PAMR1: variants seen among roughly 807,000 people sequenced by gnomAD.
PAMR1 encodes inactive serine protease PAMR1.
Under a neutral mutation model 81.8 loss-of-function variants are expected in PAMR1, and 88 were observed. That is an observed-to-expected ratio of 1.08 (90% CI 0.91 to 1.28). PAMR1 has a LOEUF of 1.28. Among genes scored for constraint, PAMR1 ranks in the 50% most tolerant of loss-of-function variants. The pLI, the probability that PAMR1 is intolerant of heterozygous loss-of-function variation, is 0.00. For missense variants in PAMR1, 935 were observed against 919.7 expected (o/e 1.02, Z -0.21); for synonymous variants, 336 against 345.3 (o/e 0.97, Z 0.30).
At chr11:35,501,712 A>T (rs1248499914) in intron 1 of PAMR1, among the ~76,000 whole-genome samples, 1 of 152,172 alleles carries the variant, frequency 6.6e-6, no homozygotes, top group Non-Finnish European at 1.5e-5. Context: ...TGCTTATTTC[A>T]CCTAACATGA....
intron 1 of PAMR1, among the ~76,000 whole-genome samples, chr11:35,524,486 T>G (rs1026366334): frequency 2.0e-5 from 3 of 152,198 alleles, no homozygotes; most frequent in African/African-American, 7.2e-5. Flanking sequence ...TGTTTCATTC[T>G]CAGGCACTTG....
At chr11:35,467,105 G>A (rs1199271507) in intron 6 of PAMR1, among the ~76,000 whole-genome samples, 1 of 152,096 alleles carries the variant, frequency 6.6e-6, no homozygotes, top group Non-Finnish European at 1.5e-5. Flanking sequence ...GTGGGCATAT[G>A]AAAGCCCAGA....
intron 3 of PAMR1, among the ~76,000 whole-genome samples, chr11:35,490,919 G>A (rs1332835113): frequency 1.3e-5 from 2 of 152,090 alleles, no homozygotes; most frequent in Non-Finnish European, 2.9e-5. Context: ...TTTAAACCTA[G>A]GTCTGTTTCA....
At chr11:35,441,772 T>C (rs1476637261) in intron 6 of PAMR1, 79 bp from the exon 7 acceptor site, 10 of 955,712 alleles carry the variant, frequency 1.0e-5, no homozygotes, top group South Asian at 3.5e-5. Flanking sequence ...TCATGTTTCA[T>C]TGAACTAAAA....
At position 35,435,953 on chromosome 11, in the gene PAMR1, G is replaced by A. The variant is rs1018671021; in HGVS notation, c.1283C>T (p.Thr428Ile). 1.9e-6 allele frequency: 3 copies of A among 1,614,084 alleles called. No homozygotes were observed. The highest frequency in any genetic ancestry group is 2.5e-6 in the Non-Finnish European group (3 of 1,180,040). The part of the protein sequence containing the change: ...FYRRLGSSRR[T>I]CLRTGKWSGR... ...ACTCCACTTCCCAGTCCTCAGACATGTCCTCCTGCTGCTGCCCAGGCGGCG... is the reference window on the plus strand; with the variant it reads ...ACTCCACTTCCCAGTCCTCAGACATATCCTCCTGCTGCTGCCCAGGCGGCG... Residue 428 changes from threonine (T) to isoleucine (I), a missense_variant, in exon 9 of 11, where the codon ACA (threonine) becomes ATA (isoleucine). Transcript: ENST00000619888.
intron 6 of PAMR1, 38 bp from the exon 7 acceptor site, chr11:35,441,731 T>C (rs1856175280): frequency 2.2e-6 from 3 of 1,369,046 alleles, no homozygotes; most frequent in East Asian, 2.3e-5. Flanking sequence ...TTGTTAAAAG[T>C]CTGAGTTATT....
At chr11:35,459,143 G>A (rs1336245251) in intron 6 of PAMR1, among the ~76,000 whole-genome samples, 5 of 152,136 alleles carry the variant, frequency 3.3e-5, no homozygotes, top group African/African-American at 1.2e-4. Context: ...TAGAGGCTGA[G>A]GCTTACAATT....
intron 1 of PAMR1, among the ~76,000 whole-genome samples, chr11:35,518,180 A>G (rs984866111): frequency 1.6e-4 from 24 of 147,656 alleles, no homozygotes; most frequent in African/African-American, 5.6e-4. Flanking sequence ...AAGCCAGACC[A>G]AAAAGTGTTG....
intron 6 of PAMR1, among the ~76,000 whole-genome samples, chr11:35,449,705 G>A (rs879352867): frequency 4.6e-5 from 7 of 152,278 alleles, no homozygotes; most frequent in African/African-American, 7.2e-5. Flanking sequence ...GCACAGCTCT[G>A]TGCTTGAGAC....
rs1456548036 is a variant in PAMR1 at position 35,432,501 on chromosome 11, A to C, written c.2018T>G (p.Phe673Cys). 1.2e-6 allele frequency: 2 copies of C among 1,614,212 alleles called. No homozygotes were observed. The highest frequency in any genetic ancestry group is 1.7e-6 in the Non-Finnish European group (2 of 1,180,044). ...TGGCTCAGGAGATGCTCGTCCCGGG[A>C]AGGACACAGCCGCGATGCCTCCTGT... Reference protein sequence around the residue: ...AETGGIAAVSFPGRASPEPRW... With the variant: ...AETGGIAAVSCPGRASPEPRW... The change falls in exon 11 of 11, where the codon TTC (phenylalanine) becomes TGC (cysteine). Residue 673 changes from phenylalanine (F) to cysteine (C), a missense_variant. Coordinates refer to ENST00000619888, the MANE Select transcript of PAMR1 (RefSeq NM_001001991.3).
rs115555511 is a variant in PAMR1 at position 35,497,024 on chromosome 11, G to A, written c.74-2752C>T. Among the ~76,000 whole-genome samples the A allele has an allele frequency of 5.2e-3, 788 of 152,138 alleles. 1 individual carries two copies. Among genetic ancestry groups the A allele is most frequent in the African/African-American group, 0.018 (732 of 41,506 alleles). On this transcript the variant is annotated intron_variant, in intron 1 of 10. Coordinates refer to ENST00000619888, the MANE Select transcript of PAMR1 (RefSeq NM_001001991.3). ...CAACTAAAGATACAAAAAATTAGGCGGGAGCAGTGGTGCACACCTGTAATC... is the reference window on the plus strand; with the variant it reads ...CAACTAAAGATACAAAAAATTAGGCAGGAGCAGTGGTGCACACCTGTAATC...
At chr11:35,500,134 A>G (rs1043521295) in intron 1 of PAMR1, among the ~76,000 whole-genome samples, 1 of 152,236 alleles carries the variant, frequency 6.6e-6, no homozygotes, top group African/African-American at 2.4e-5. Flanking sequence ...TAGTCTTGTA[A>G]GATTCATTTT....
chr11:35,436,349 A>G (rs1051659040), intron 8 of PAMR1: 8 of 496,232 alleles, frequency 1.6e-5, no homozygotes, highest in Admixed American at 1.3e-4. Flanking sequence ...TAGTGATGCG[A>G]TCTTGGCTCA....
intron 1 of PAMR1, among the ~76,000 whole-genome samples, chr11:35,508,627 T>G (rs1301135995): frequency 6.6e-6 from 1 of 151,682 alleles, no homozygotes; most frequent in Admixed American, 6.6e-5. Flanking sequence ...TACAGATTAT[T>G]TCATCACCCA....
chr11:35,437,317 C>T (rs370357153), intron 8 of PAMR1, among the ~76,000 whole-genome samples: 21 of 152,286 alleles, frequency 1.4e-4, no homozygotes, highest in African/African-American at 4.1e-4. Context: ...CGCAGAGGCA[C>T]GCAGTAAAGA....
intron 8 of PAMR1, among the ~76,000 whole-genome samples, chr11:35,436,669 C>A (rs1856054718): frequency 6.6e-6 from 1 of 151,812 alleles, no homozygotes; most frequent in Admixed American, 6.6e-5. Context: ...CACACACACA[C>A]ACACACACAC....
Position 35,461,881 on chromosome 11 carries a change from A to G in PAMR1, c.820+6120T>C, listed in dbSNP as rs542953848. 9.2e-5 allele frequency among the ~76,000 whole-genome samples: 14 copies of G among 152,214 alleles called. No individual in the cohort carries two copies. The South Asian group carries it at 1.9e-3, about 20-fold the overall frequency. On this transcript the variant is annotated intron_variant, in intron 6 of 10. Transcript: ENST00000619888. ...CTCCAGTCTGCAAAGGCTCTGGGCTATCAAGTACATGCGGGTAATAGCCAC... is the reference window on the plus strand; with the variant it reads ...CTCCAGTCTGCAAAGGCTCTGGGCTGTCAAGTACATGCGGGTAATAGCCAC...
chr11:35,472,294 C>T (rs930123277), intron 4 of PAMR1, among the ~76,000 whole-genome samples: 3 of 152,150 alleles, frequency 2.0e-5, no homozygotes, highest in Non-Finnish European at 2.9e-5. Context: ...CAGTTTTTTC[C>T]GAAGCTGAAG....
intron 1 of PAMR1, among the ~76,000 whole-genome samples, chr11:35,502,202 C>A (rs2135409468): frequency 6.6e-6 from 1 of 151,994 alleles, no homozygotes; most frequent in Non-Finnish European, 1.5e-5. Flanking sequence ...TGTATGTCTA[C>A]TTTTGAGAAA....
Sources: allele counts gnomAD v4.1 joint callset (sites outside exome capture counted in the v4.1 genomes callset), GRCh38; gene constraint gnomAD v4.1.1; transcripts MANE v1.5; gene names NCBI Gene and HGNC (gene_info 2026-07-23, HGNC 2026-07-21).